Variants in CLPTM1L observed in about 807,000 individuals in gnomAD.
CLPTM1L encodes the protein lipid scramblase CLPTM1L.
A neutral mutation model predicts 70.9 loss-of-function variants in CLPTM1L; 38 were observed. The observed-to-expected ratio is 0.54, with a 90% CI of 0.41 to 0.70. The LOEUF (loss-of-function observed/expected upper bound fraction) is 0.70, where lower values mean the gene tolerates loss of function less well. Among genes scored for constraint, CLPTM1L ranks in the 30% least tolerant of loss-of-function variants. CLPTM1L has a pLI of 0.00. For synonymous variants in CLPTM1L, 339 were observed against 299.9 expected, an observed-to-expected ratio of 1.13 and a Z score of -1.35; for missense variants, 652 against 705.9, an observed-to-expected ratio of 0.92 and a Z score of 0.87.
chr5:1,338,737 C>T (rs1020502576), intron 4 of CLPTM1L, 123 bp downstream of exon 4: 21 of 1,126,072 alleles, frequency 1.9e-5, no homozygotes, highest in African/African-American at 1.6e-4. Flanking sequence ...CTGGGAGGCC[C>T]GGGCAGCAAG....
chr5:1,338,777 C>G, intron 4 of CLPTM1L, 83 bp downstream of exon 4: 2 of 1,548,040 alleles, frequency 1.3e-6, no homozygotes, highest in Admixed American at 1.7e-5. Context: ...CTCCACGGTG[C>G]AGGAGTGACC....
intron 4 of CLPTM1L, chr5:1,338,439 C>T (rs111875797): frequency 0.023 from 6,053 of 265,264 alleles, 355 homozygotes; most frequent in African/African-American, 0.12. Context: ...ATGGGAGAGA[C>T]GAGGTGAGCT....
Position 1,318,458 on chromosome 5 carries a change from A to G in CLPTM1L, c.1533-5T>C. 6.2e-7 allele frequency: 1 copy of G among 1,612,622 alleles called. No homozygotes were observed. The highest frequency in any genetic ancestry group is 8.5e-7 in the Non-Finnish European group (1 of 1,179,042). The stretch of plus-strand genomic sequence containing the variant: ...CGTTTATCCACAGGATAAAGCCTGC[A>G]ATGACACAAATGAGCACATCAGCAA... On this transcript the variant is annotated splice_region_variant and splice_polypyrimidine_tract_variant and intron_variant, in intron 16 of 16. Transcript: ENST00000320895. The surrounding 1 kb of genome is among the most constrained non-coding windows in gnomAD (Gnocchi z 8.9).
rs764880750 is a variant in CLPTM1L, at chr5:1,338,891, G to A, written c.568C>T (p.Leu190=). 2.5e-6 allele frequency: 4 copies of A among 1,613,214 alleles called. No individual in the cohort carries two copies. In the African/African-American group the frequency reaches 5.3e-5, roughly 22 times the overall value. ...ATGTACCGATGCACATCGGCAGGCA[G>A]GGAGGACCCGTCAAAGACAAAGTTG... is the stretch of plus-strand genomic sequence containing the variant. ...ADNFVFDGSS[L]PADVHRYMKM... is the part of the protein sequence containing the mutation. The change falls in exon 4 of 17, where the codon CTG becomes TTG. Residue 190 remains leucine, a synonymous_variant. Transcript: ENST00000320895.
intron 13 of CLPTM1L, 193 bp downstream of exon 13, chr5:1,322,684 T>C: frequency 1.5e-6 from 1 of 658,906 alleles, no homozygotes; most frequent in South Asian, 1.8e-5. Context: ...GTCACTGTTG[T>C]GAAGCCACGC....
intron 16 of CLPTM1L, among the ~76,000 whole-genome samples, chr5:1,319,357 G>GT (rs1231925590): frequency 4.4e-5 from 4 of 91,152 alleles, no homozygotes; most frequent in African/African-American, 1.2e-4. Flanking sequence ...CAGCAACAGG[G>GT]TGGGGGGGGG....
chr5:1,334,191 C>A (rs918441258), intron 7 of CLPTM1L, 98 bp downstream of exon 7: 4 of 796,562 alleles, frequency 5.0e-6, no homozygotes, highest in South Asian at 3.1e-5. Context: ...CAGGGCTGGA[C>A]GGCGCCCACA....
chr5:1,328,999 T>C (rs952691803), intron 9 of CLPTM1L, among the ~76,000 whole-genome samples: 12 of 151,412 alleles, frequency 7.9e-5, no homozygotes, highest in African/African-American at 1.2e-4. Flanking sequence ...TACAGAGACA[T>C]TGCATCCAGC....
chr5:1,324,699 G>C, intron 11 of CLPTM1L, 64 bp downstream of exon 11: 2 of 1,426,414 alleles, frequency 1.4e-6, no homozygotes, highest in South Asian at 1.1e-5. Context: ...GACAGTAAAA[G>C]ACCCGTCTTT....
chr5:1,318,094 C>T lies in CLPTM1L; in HGVS notation c.*275G>A. 4.3e-6 allele frequency: 2 copies of T among 470,106 alleles called. No homozygotes were observed. Among genetic ancestry groups the T allele is most frequent in the East Asian group, 3.6e-5 (1 of 28,074 alleles). The allele number at this position is 470,106 out of a possible 1,614,324, so 29.1% of individuals were successfully genotyped here. On this transcript the variant is annotated 3_prime_UTR_variant, in exon 17 of 17. Coordinates refer to ENST00000320895, the MANE Select transcript of CLPTM1L (RefSeq NM_030782.5). The surrounding 1 kb of genome is among the most constrained non-coding windows in gnomAD (Gnocchi z 8.9). ...CACCCCTGCCCGCGTGAGGACATGG[C>T]CGAACCCCGGACACTCGTGTGCCGG...
chr5:1,322,425 C>T lies in CLPTM1L; in HGVS notation c.1315+452G>A, dbSNP rs578157381. On this transcript the variant is annotated intron_variant, in intron 13 of 16. Transcript: ENST00000320895. ...CACACTGCATCTGCAGGAGGGGGCG[C>T]GCCGTGCACCAGAGCCTGGTGCTTC... 1.3e-3 allele frequency among the ~76,000 whole-genome samples: 202 copies of T among 152,330 alleles called. 2 individuals are homozygous for T. The highest frequency in any genetic ancestry group is 2.0e-3 in the Non-Finnish European group (136 of 68,022).
At chr5:1,341,000 AGG>A (rs1753904959) in intron 3 of CLPTM1L, among the ~76,000 whole-genome samples, 1 of 152,182 alleles carries the variant, frequency 6.6e-6, no homozygotes, top group Non-Finnish European at 1.5e-5. Flanking sequence ...TCCTGACTGC[AGG>A]TGATCCACCT....
intron 5 of CLPTM1L, among the ~76,000 whole-genome samples, chr5:1,335,602 C>T (rs1753527611): frequency 6.6e-6 from 1 of 152,232 alleles, no homozygotes. Flanking sequence ...AAGCACAGCC[C>T]TGCAGCACAT....
At chr5:1,338,178 G>C in intron 4 of CLPTM1L, 196 bp from the exon 5 acceptor site, 1 of 603,834 alleles carries the variant, frequency 1.7e-6, no homozygotes, top group South Asian at 1.9e-5. Context: ...ACGCTTGTGA[G>C]ACCCGCTCCC....
intron 4 of CLPTM1L, 194 bp from the exon 5 acceptor site, chr5:1,338,176 G>C: frequency 1.6e-6 from 1 of 607,018 alleles, no homozygotes; most frequent in Non-Finnish European, 3.0e-6. Context: ...GCACGCTTGT[G>C]AGACCCGCTC....
intron 6 of CLPTM1L, 24 bp from the exon 7 acceptor site, chr5:1,334,407 A>G: frequency 6.9e-7 from 1 of 1,450,426 alleles, no homozygotes; most frequent in Non-Finnish European, 9.7e-7. Flanking sequence ...AAAAACATAC[A>G]ATATAAAACA....
chr5:1,344,544 C>T lies in CLPTM1L; in HGVS notation c.163-93G>A, dbSNP rs1754153792. 3 of 1,465,054 alleles carry T rather than the reference C, an allele frequency of 2.0e-6. No individual in the cohort carries two copies. The South Asian group carries it at 3.5e-5, about 17-fold the overall frequency. 90.8% of individuals were successfully genotyped at this position (1,465,054 alleles called of 1,614,324 possible). ...CCAGCTGGAGGGCGGAAGACCTGGC[C>T]GCTGGGGAACCAGGAAAGGTTCCAT... On this transcript the variant is annotated intron_variant, in intron 1 of 16. Coordinates refer to ENST00000320895, the MANE Select transcript of CLPTM1L (RefSeq NM_030782.5).
chr5:1,328,349 TCTACGGACACATTTCATCCAGCTCCTCC>T (rs1752779601), intron 9 of CLPTM1L, among the ~76,000 whole-genome samples: 1 of 146,082 alleles, frequency 6.8e-6, no homozygotes, highest in Non-Finnish European at 1.5e-5. Flanking sequence ...CAGCTCCTCC[TCTACGGACACATTTCATCCAGCTCCTCC>T]TCTACAGGGA....
chr5:1,336,418 C>T (rs754273253), intron 5 of CLPTM1L, among the ~76,000 whole-genome samples: 6 of 152,378 alleles, frequency 3.9e-5, no homozygotes, highest in South Asian at 2.1e-4. Flanking sequence ...ACAGCTGCGC[C>T]GCAAAGCCTG....
Sources: gnomAD v4.1 joint callset for allele counts (sites outside exome capture counted in the v4.1 genomes callset) on GRCh38, gnomAD v4.1.1 for gene constraint, Gnocchi (gnomAD v3.1) non-coding constraint, MANE v1.5 for transcripts, NCBI Gene and HGNC (gene_info 2026-07-23, HGNC 2026-07-21) for gene names.